Variants in SMARCA2 observed in about 807,000 individuals in gnomAD.
The protein encoded by SMARCA2 is SWI/SNF related BAF chromatin remodeling complex subunit ATPase 2.
SMARCA2 carries 61 observed loss-of-function variants against 199.8 expected under a neutral mutation model. The observed-to-expected ratio is 0.31, with a 90% CI of 0.25 to 0.38. The LOEUF is 0.38. SMARCA2 is among the 10% of genes least tolerant of loss of function. The pLI is 1.00. For synonymous variants in SMARCA2, 935 were observed against 732.0 expected (o/e 1.28, Z -4.48); for missense variants, 1,344 against 2,012.2 (o/e 0.67, Z 6.35).
Position 2,124,372 on chromosome 9 carries a change from G to A in SMARCA2, c.3981+435G>A, listed in dbSNP as rs189753535. ...TTAATCGAGGTTTTACTTCTGCAAG[G>A]TCTGCACAGATCTTTCAGGGATAGC... On this transcript the variant is annotated intron_variant, in intron 27 of 33. Coordinates refer to ENST00000349721, the MANE Select transcript of SMARCA2 (RefSeq NM_003070.5). 1.4e-3 allele frequency among the ~76,000 whole-genome samples: 208 copies of A among 152,280 alleles called. 4 individuals are homozygous for A. Among genetic ancestry groups the A allele is most frequent in the Admixed American group, 0.013 (202 of 15,300 alleles).
intron 1 of SMARCA2, among the ~76,000 whole-genome samples, chr9:2,020,744 G>A (rs751015187): frequency 3.9e-4 from 60 of 152,058 alleles, no homozygotes; most frequent in Non-Finnish European, 7.2e-4. Flanking sequence ...TAAATATATC[G>A]TCAAAGATGC....
intron 27 of SMARCA2, among the ~76,000 whole-genome samples, chr9:2,147,399 G>T (rs1218168581): frequency 2.0e-5 from 3 of 152,176 alleles, no homozygotes; most frequent in African/African-American, 4.8e-5. Context: ...TCACTTATAT[G>T]TACATGTAAT....
chr9:2,106,215 T>A (rs1257534367), intron 23 of SMARCA2, among the ~76,000 whole-genome samples: 1 of 152,218 alleles, frequency 6.6e-6, no homozygotes, highest in Non-Finnish European at 1.5e-5. Context: ...CTAACTTGGA[T>A]CTGTTTGATT....
intron 8 of SMARCA2, 55 bp from the exon 9 acceptor site, chr9:2,060,761 G>A: frequency 1.3e-6 from 2 of 1,529,036 alleles, no homozygotes; most frequent in Non-Finnish European, 1.8e-6. Flanking sequence ...AGTGGAGAGT[G>A]GAGTTGTCTG....
rs1475851307 is a variant in SMARCA2, at chr9:2,161,912, T to G, written c.4199+9T>G. ...ATAAACTACAAAGATAGGTGAGTGT[T>G]TGGTTCCTTCACCTTGATCATCTCT... On this transcript the variant is annotated intron_variant, in intron 28 of 33. Coordinates refer to ENST00000349721, the MANE Select transcript of SMARCA2 (RefSeq NM_003070.5). This position sits in a 1 kb window ranked among gnomAD's most constrained non-coding sequence, Gnocchi z 4.7. 7 of 1,607,318 alleles carry G rather than the reference T, an allele frequency of 4.4e-6. No homozygotes were observed. Among genetic ancestry groups the G allele is most frequent in the African/African-American group, 2.7e-5 (2 of 74,762 alleles).
chr9:2,185,754 C>T (rs975638307), intron 31 of SMARCA2, among the ~76,000 whole-genome samples: 3 of 152,128 alleles, frequency 2.0e-5, no homozygotes, highest in Non-Finnish European at 2.9e-5. Flanking sequence ...ATTGCTTTAC[C>T]ACAGTCTTAC....
At chr9:2,059,651 A>G (rs150204875) in intron 8 of SMARCA2, among the ~76,000 whole-genome samples, 2 of 152,262 alleles carry the variant, frequency 1.3e-5, no homozygotes, top group African/African-American at 2.4e-5. Context: ...GTTTTTTATC[A>G]CTCTTTCTTC....
At chr9:2,146,660 C>T (rs1344858909) in intron 27 of SMARCA2, among the ~76,000 whole-genome samples, 1 of 152,210 alleles carries the variant, frequency 6.6e-6, no homozygotes, top group Admixed American at 6.5e-5. Context: ...GGCAGAGCAG[C>T]TTCGAGGGCT....
In SMARCA2 at chr9:2,023,045, C is replaced by T. The variant is rs547253797; in HGVS notation, c.-36-5942C>T. 6.0e-4 allele frequency among the ~76,000 whole-genome samples: 91 copies of T among 152,232 alleles called. 1 individual carries two copies. The highest frequency in any genetic ancestry group is 1.2e-3 in the Non-Finnish European group (79 of 68,004). On this transcript the variant is annotated intron_variant, in intron 1 of 33. Transcript: ENST00000349721. The stretch of plus-strand genomic sequence containing the variant: ...AAATTCCCTTTTTAAAACAATTTTT[C>T]CTTTGTGGGATCACTGTCAGTCCTC...
intron 24 of SMARCA2, among the ~76,000 whole-genome samples, chr9:2,113,164 T>C (rs1250133754): frequency 1.3e-5 from 2 of 152,070 alleles, no homozygotes; most frequent in Admixed American, 6.6e-5. Flanking sequence ...TTGGTGAAAA[T>C]AGGGGATTTG....
intron 27 of SMARCA2, among the ~76,000 whole-genome samples, chr9:2,145,328 A>AG (rs1824685411): frequency 6.6e-6 from 1 of 151,294 alleles, no homozygotes; most frequent in Admixed American, 6.6e-5. Context: ...AAAAAAAAAA[A>AG]AGAGAGAGAA....
chr9:2,083,810 C>A (rs369737192), intron 16 of SMARCA2, among the ~76,000 whole-genome samples: 3 of 152,202 alleles, frequency 2.0e-5, no homozygotes, highest in African/African-American at 7.2e-5. Flanking sequence ...TTCAGCAGAG[C>A]GGTGGGTTCT....
At chr9:2,112,044 C>T (rs1010944640) in intron 24 of SMARCA2, among the ~76,000 whole-genome samples, 1 of 152,202 alleles carries the variant, frequency 6.6e-6, no homozygotes, top group Non-Finnish European at 1.5e-5. Flanking sequence ...AAAAGTGTTT[C>T]ATTCCAAGGC....
intron 23 of SMARCA2, among the ~76,000 whole-genome samples, chr9:2,109,499 C>G (rs1223230004): frequency 1.3e-5 from 2 of 152,110 alleles, no homozygotes; most frequent in African/African-American, 2.4e-5. Flanking sequence ...ATTTTGGAGC[C>G]TCTTCAGACC....
chr9:2,138,569 A>G (rs1333703822), intron 27 of SMARCA2, among the ~76,000 whole-genome samples: 2 of 152,204 alleles, frequency 1.3e-5, no homozygotes. Flanking sequence ...AAGGCTTCCC[A>G]TAGTCCGTTC....
In SMARCA2 at chr9:2,068,756, A is replaced by G. The variant is rs1820954700; in HGVS notation, c.1693-1662A>G. Among the ~76,000 whole-genome samples the G allele has an allele frequency of 3.9e-5, 6 of 152,248 alleles. No individual in the cohort carries two copies. The South Asian group carries it at 1.2e-3, about 32-fold the overall frequency. ...TTTTCTCTCATTATACTATGCAGAA[A>G]TAGTATAGCTTTCCAGCAGTAACTT... On this transcript the variant is annotated intron_variant, in intron 9 of 33. Transcript: ENST00000349721.
chr9:2,091,772 C>T (rs1050740089), intron 19 of SMARCA2, among the ~76,000 whole-genome samples: 4 of 152,282 alleles, frequency 2.6e-5, no homozygotes, highest in African/African-American at 9.6e-5. Context: ...TTGCTATTGT[C>T]AGTTTTTCAA....
chr9:2,122,175 G>A lies in SMARCA2; in HGVS notation c.3763-1544G>A, dbSNP rs188872211. ...TCAGAAAAGATTTATTTTCTCAATT[G>A]TGGACAAATATATTAGCAAGAATAA... On this transcript the variant is annotated intron_variant, in intron 26 of 33. Transcript: ENST00000349721. Among the ~76,000 whole-genome samples the A allele has an allele frequency of 3.9e-5, 6 of 152,242 alleles. No individual in the cohort carries two copies. The East Asian group carries it at 1.2e-3, about 29-fold the overall frequency.
chr9:2,025,221 CAG>C (rs2130155534), intron 1 of SMARCA2, among the ~76,000 whole-genome samples: 1 of 152,180 alleles, frequency 6.6e-6, no homozygotes, highest in East Asian at 1.9e-4. Flanking sequence ...GAAATCAAGA[CAG>C]AGTATACTGC....
Sources: allele counts gnomAD v4.1 joint callset (sites outside exome capture counted in the v4.1 genomes callset), GRCh38; gene constraint gnomAD v4.1.1; non-coding constraint Gnocchi (gnomAD v3.1); transcripts MANE v1.5; gene names NCBI Gene and HGNC (gene_info 2026-07-23, HGNC 2026-07-21).